GALNTL6: variants seen among roughly 807,000 people sequenced by gnomAD.
GALNTL6 encodes polypeptide N-acetylgalactosaminyltransferase like 6.
In GALNTL6, 46 loss-of-function variants were observed where a neutral mutation model predicts 73.7. The observed-to-expected ratio is 0.62, with a 90% confidence interval of 0.49 to 0.80. The LOEUF (loss-of-function observed/expected upper bound fraction) is 0.80. Among genes scored for constraint, GALNTL6 ranks in the 30% least tolerant of loss-of-function variants. GALNTL6 has a pLI of 0.00. For missense variants in GALNTL6, 604 were observed against 755.0 expected (o/e 0.80, Z 2.34); for synonymous variants, 259 against 263.7 (o/e 0.98, Z 0.17).
chr4:172,631,147 T>A, intron 5 of GALNTL6, among the ~76,000 whole-genome samples: 1 of 151,810 alleles, frequency 6.6e-6, no homozygotes, highest in East Asian at 1.9e-4. Flanking sequence ...GAATATGTAG[T>A]AATTTTTTTT....
At chr4:172,401,226 T>C (rs1206251108) in intron 5 of GALNTL6, among the ~76,000 whole-genome samples, 1 of 152,106 alleles carries the variant, frequency 6.6e-6, no homozygotes, top group Non-Finnish European at 1.5e-5. Flanking sequence ...CCAATTGGTT[T>C]AGAAAATGTA....
At chr4:172,333,757 G>C (rs1741214134) in intron 4 of GALNTL6, among the ~76,000 whole-genome samples, 1 of 152,092 alleles carries the variant, frequency 6.6e-6, no homozygotes, top group African/African-American at 2.4e-5. Context: ...TAAATTGTTT[G>C]CCTAGACCAA....
At chr4:172,436,348 C>T (rs186230816) in intron 5 of GALNTL6, among the ~76,000 whole-genome samples, 1 of 151,956 alleles carries the variant, frequency 6.6e-6, no homozygotes, top group Admixed American at 6.6e-5. Flanking sequence ...TTTTTAAAAC[C>T]ATTCAGTCCA....
chr4:172,083,408 C>A (rs915165598), intron 2 of GALNTL6, among the ~76,000 whole-genome samples: 7 of 152,180 alleles, frequency 4.6e-5, no homozygotes, highest in Non-Finnish European at 8.8e-5. Flanking sequence ...ACAATGACAT[C>A]CTAGGTCCTC....
At chr4:172,858,776 A>C (rs913299145) in intron 7 of GALNTL6, among the ~76,000 whole-genome samples, 8 of 151,874 alleles carry the variant, frequency 5.3e-5, no homozygotes, top group Admixed American at 3.9e-4. Context: ...GAGCTGACCC[A>C]AAAAAAATGG....
chr4:172,677,546 C>G (rs1732372410), intron 5 of GALNTL6, among the ~76,000 whole-genome samples: 1 of 151,986 alleles, frequency 6.6e-6, no homozygotes, highest in African/African-American at 2.4e-5. Context: ...GTTTGTGGTC[C>G]AGGAATGGTC....
intron 7 of GALNTL6, among the ~76,000 whole-genome samples, chr4:172,866,362 C>T (rs556302502): frequency 1.3e-5 from 2 of 152,170 alleles, no homozygotes; most frequent in Non-Finnish European, 2.9e-5. Context: ...TGGTGTCACA[C>T]TCTCTTGATT....
intron 2 of GALNTL6, among the ~76,000 whole-genome samples, chr4:172,174,320 T>TAGCG (rs776444061): frequency 2.6e-5 from 4 of 152,218 alleles, no homozygotes; most frequent in Non-Finnish European, 5.9e-5. Context: ...GGTCTATGTA[T>TAGCG]AGCGGTGTCA....
At chr4:172,854,523 G>T (rs543334012) in intron 7 of GALNTL6, among the ~76,000 whole-genome samples, 1 of 152,172 alleles carries the variant, frequency 6.6e-6, no homozygotes, top group South Asian at 2.1e-4. Context: ...ATACATTGCT[G>T]TATGCTCTCC....
intron 5 of GALNTL6, among the ~76,000 whole-genome samples, chr4:172,783,186 C>T (rs1469311055): frequency 6.6e-6 from 1 of 150,382 alleles, no homozygotes; most frequent in Non-Finnish European, 1.5e-5. Flanking sequence ...ACCTACACAC[C>T]AAAAACTATG....
At chr4:172,627,196 A>G (rs914825232) in intron 5 of GALNTL6, among the ~76,000 whole-genome samples, 20 of 152,088 alleles carry the variant, frequency 1.3e-4, no homozygotes, top group Non-Finnish European at 1.5e-5. Flanking sequence ...GAAGGTTTTT[A>G]TCATGAAGGG....
intron 3 of GALNTL6, among the ~76,000 whole-genome samples, chr4:172,304,325 A>G (rs1740047494): frequency 1.3e-5 from 2 of 152,160 alleles, no homozygotes. Flanking sequence ...ATTACGATGA[A>G]GATCAAAAAG....
rs567407465 is a variant in GALNTL6, at chr4:172,605,396, A to G, written c.554-203965A>G. Among the ~76,000 whole-genome samples, 15 of 152,274 alleles carry G rather than the reference A, an allele frequency of 9.9e-5. No homozygotes were observed. The South Asian group carries it at 2.9e-3, about 29-fold the overall frequency. On this transcript the variant is annotated intron_variant, in intron 5 of 12. Transcript: ENST00000506823. ...TCATAACAAAGAAGAAAAAGTCACA[A>G]TCTTGATGAGGAATCAGATTAATGG...
At chr4:172,245,075 G>T (rs1174740494) in intron 3 of GALNTL6, among the ~76,000 whole-genome samples, 1 of 152,144 alleles carries the variant, frequency 6.6e-6, no homozygotes, top group Non-Finnish European at 1.5e-5. Flanking sequence ...GAAGCATCTA[G>T]TAGAGCAAGG....
At chr4:172,859,021 A>C (rs1744256119) in intron 7 of GALNTL6, among the ~76,000 whole-genome samples, 1 of 149,700 alleles carries the variant, frequency 6.7e-6, no homozygotes, top group Non-Finnish European at 1.5e-5. Flanking sequence ...ACAAAATGGA[A>C]TGAAATGCAA....
chr4:172,587,604 A>G (rs1737463618), intron 5 of GALNTL6, among the ~76,000 whole-genome samples: 1 of 152,190 alleles, frequency 6.6e-6, no homozygotes, highest in Non-Finnish European at 1.5e-5. Context: ...CAAACATAAA[A>G]GCATTGTTTG....
chr4:172,323,364 A>C, intron 4 of GALNTL6, among the ~76,000 whole-genome samples: 1 of 152,178 alleles, frequency 6.6e-6, no homozygotes, highest in Non-Finnish European at 1.5e-5. Flanking sequence ...ATAGAAAAAC[A>C]GTGTGACTAA....
At chr4:172,892,291 C>T (rs1212127998) in intron 8 of GALNTL6, among the ~76,000 whole-genome samples, 1 of 152,178 alleles carries the variant, frequency 6.6e-6, no homozygotes, top group Non-Finnish European at 1.5e-5. Context: ...AATTGCTCTA[C>T]TATGGATGAG....
chr4:172,524,644 T>C (rs1466043602), intron 5 of GALNTL6, among the ~76,000 whole-genome samples: 1 of 152,222 alleles, frequency 6.6e-6, no homozygotes, highest in Non-Finnish European at 1.5e-5. Context: ...TGCACACATT[T>C]CTTCATGGGA....
Sources: allele counts gnomAD v4.1 joint callset (sites outside exome capture counted in the v4.1 genomes callset), GRCh38; gene constraint gnomAD v4.1.1; transcripts MANE v1.5; gene names NCBI Gene and HGNC (gene_info 2026-07-23, HGNC 2026-07-21).